Variants in TENT4A observed in about 807,000 individuals in gnomAD.
TENT4A encodes the protein DNA polymerase kappa.
Under a neutral mutation model 72.8 loss-of-function variants are expected in TENT4A, and 7 were observed. That is an observed-to-expected ratio of 0.10 (90% CI 0.05 to 0.18). The LOEUF is 0.18. TENT4A is among the 10% of genes least tolerant of loss of function. The pLI is 1.00. For synonymous variants in TENT4A, 456 were observed against 434.3 expected (o/e 1.05, Z -0.62); for missense variants, 831 against 1,017.7 (o/e 0.82, Z 2.50).
At chr5:6,719,333 C>T (rs1740536043) in intron 1 of TENT4A, among the ~76,000 whole-genome samples, 1 of 151,952 alleles carries the variant, frequency 6.6e-6, no homozygotes, top group Non-Finnish European at 1.5e-5. Context: ...GGTTTAGGAT[C>T]TGATTTTGTA....
intron 1 of TENT4A, among the ~76,000 whole-genome samples, chr5:6,717,420 G>C (rs1740442924): frequency 6.6e-6 from 1 of 152,228 alleles, no homozygotes; most frequent in South Asian, 2.1e-4. Context: ...GTCTTTGCCT[G>C]GTAGCCCATG....
chr5:6,743,750 A>G lies in TENT4A; in HGVS notation c.1155A>G (p.Lys385=), dbSNP rs145581077. 2.1e-4 allele frequency: 335 copies of G among 1,612,512 alleles called. 1 individual carries two copies. The African/African-American group carries it at 3.9e-3, about 19-fold the overall frequency. The change falls in exon 6 of 13, where the codon AAA becomes AAG. Residue 385 remains lysine (K), a synonymous_variant. Transcript: ENST00000230859. ...SLLPYLILVL[K]QFLLQRDLNE... ...TGCCTTACTTGATTTTAGTATTGAA[A>G]CAGTTCCTTCTGCAGAGGGACCTGA...
intron 1 of TENT4A, among the ~76,000 whole-genome samples, chr5:6,723,447 T>G (rs274713): frequency 0.59 from 89,907 of 151,930 alleles, 27,336 homozygotes; most frequent in Middle Eastern, 0.67. Context: ...TTTGCTCCTT[T>G]AGTTCCCAGA....
intron 6 of TENT4A, among the ~76,000 whole-genome samples, chr5:6,744,165 G>C (rs1237244757): frequency 1.1e-4 from 16 of 152,130 alleles, no homozygotes. Context: ...CTTGGTGCTT[G>C]TCTGTGATTT....
Position 6,746,254 on chromosome 5 carries a change from T to C in TENT4A, c.1286T>C (p.Leu429Pro). 6.2e-7 allele frequency: 1 copy of C among 1,614,226 alleles called. No individual in the cohort carries two copies. Among genetic ancestry groups the C allele is most frequent in the Non-Finnish European group, 8.5e-7 (1 of 1,180,038 alleles). The change falls in exon 7 of 13, where the codon CTT becomes CCT. Residue 429 changes from leucine to proline, a missense_variant. Leu to Pro is a moderately conservative substitution (Grantham distance 98). Transcript: ENST00000230859. ...GATGCCCGGAGAGCTGATGAAAACC[T>C]TGGAATGCTTCTTGTAGAATTTTTT... ...RIDARRADEN[L>P]GMLLVEFFEL...
At chr5:6,730,102 C>G (rs545714617) in intron 1 of TENT4A, among the ~76,000 whole-genome samples, 8 of 151,740 alleles carry the variant, frequency 5.3e-5, no homozygotes, top group South Asian at 2.1e-4. Context: ...TCCGCCCCCC[C>G]CCGGAGTGGC....
intron 8 of TENT4A, among the ~76,000 whole-genome samples, chr5:6,749,312 C>A (rs193043376): frequency 6.6e-6 from 1 of 152,168 alleles, no homozygotes; most frequent in Non-Finnish European, 1.5e-5. Context: ...GGGAAGGCCC[C>A]GCTCCCCTAC....
Position 6,742,645 on chromosome 5 carries a change from C to G in TENT4A, c.1116+48C>G, listed in dbSNP as rs374463950. On this transcript the variant is annotated intron_variant, in intron 5 of 12. Transcript: ENST00000230859. ...GCGGCGAGAGTGCAGGACTGGAGTG[C>G]TTGTGCTTGGTGGCATCCTACGATG... is the stretch of plus-strand genomic sequence containing the variant. 66 of 1,109,418 alleles carry G rather than the reference C, an allele frequency of 5.9e-5. No homozygotes were observed. In the African/African-American group the frequency reaches 9.8e-4, roughly 16 times the overall value. The allele number at this position is 1,109,418 out of a possible 1,614,324, so 68.7% of individuals were successfully genotyped here. A position where few individuals can be genotyped will look rare whatever the true frequency, so the allele number is the denominator to read the frequency against.
chr5:6,724,950 GTC>G (rs1285494341), intron 1 of TENT4A, among the ~76,000 whole-genome samples: 1 of 152,206 alleles, frequency 6.6e-6, no homozygotes, highest in East Asian at 1.9e-4. Context: ...AGTCCAGGTA[GTC>G]TCACTCCGTA....
chr5:6,722,599 T>C (rs1053318570), intron 1 of TENT4A, among the ~76,000 whole-genome samples: 1 of 150,588 alleles, frequency 6.6e-6, no homozygotes, highest in African/African-American at 2.4e-5. Context: ...AGCACTGTTC[T>C]ACAGCTTTAA....
At chr5:6,720,850 CAA>C (rs1279489477) in intron 1 of TENT4A, among the ~76,000 whole-genome samples, 1 of 151,778 alleles carries the variant, frequency 6.6e-6, no homozygotes. Context: ...ATGACTTACC[CAA>C]GAGTCACCTC....
chr5:6,716,460 C>T (rs1036368841), intron 1 of TENT4A, among the ~76,000 whole-genome samples: 23 of 152,224 alleles, frequency 1.5e-4, no homozygotes, highest in Non-Finnish European at 2.8e-4. Flanking sequence ...ACCTCATCCT[C>T]CCTCATGCAG....
At chr5:6,742,708 C>T in intron 5 of TENT4A, 111 bp downstream of exon 5, 1 of 662,944 alleles carries the variant, frequency 1.5e-6, no homozygotes, top group East Asian at 2.7e-5. Flanking sequence ...TCTTTCGTAA[C>T]ACAGACTACA....
intron 1 of TENT4A, among the ~76,000 whole-genome samples, chr5:6,720,999 T>A (rs919455702): frequency 2.6e-5 from 4 of 152,260 alleles, no homozygotes; most frequent in East Asian, 1.9e-4. Context: ...TGTGCCTCCT[T>A]TAGGAGGCAC....
intron 1 of TENT4A, among the ~76,000 whole-genome samples, chr5:6,722,286 C>T (rs1214042173): frequency 6.6e-6 from 1 of 152,192 alleles, no homozygotes; most frequent in East Asian, 1.9e-4. Flanking sequence ...CACCGCTGCC[C>T]TTTTCTCCTC....
At chr5:6,735,511 A>C (rs987953356) in intron 1 of TENT4A, among the ~76,000 whole-genome samples, 1 of 152,184 alleles carries the variant, frequency 6.6e-6, no homozygotes, top group Admixed American at 6.5e-5. Context: ...AACGTGACAT[A>C]TCTAGTCCTG....
chr5:6,734,555 A>G (rs1033136965), intron 1 of TENT4A, among the ~76,000 whole-genome samples: 3 of 152,270 alleles, frequency 2.0e-5, no homozygotes, highest in Non-Finnish European at 4.4e-5. Context: ...AGAGGCATGG[A>G]TGGCCGGGCC....
chr5:6,749,950 A>G (rs545372830), intron 9 of TENT4A, among the ~76,000 whole-genome samples: 1 of 152,368 alleles, frequency 6.6e-6, no homozygotes, highest in Admixed American at 6.5e-5. Flanking sequence ...ACATTTCAAC[A>G]TGTAATCAAC....
intron 1 of TENT4A, among the ~76,000 whole-genome samples, chr5:6,717,309 G>A (rs1740437276): frequency 6.6e-6 from 1 of 152,232 alleles, no homozygotes; most frequent in Admixed American, 6.5e-5. Context: ...GAAGCTGCTT[G>A]GGGTTGTGAT....
Sources: gnomAD v4.1 joint callset for allele counts (sites outside exome capture counted in the v4.1 genomes callset) on GRCh38, gnomAD v4.1.1 for gene constraint, MANE v1.5 for transcripts, NCBI Gene and HGNC (gene_info 2026-07-23, HGNC 2026-07-21) for gene names.